Variants in TESPA1 observed in about 807,000 individuals in gnomAD.
TESPA1 encodes thymocyte expressed, positive selection associated 1, also known as protein TESPA1.
A neutral mutation model predicts 57.9 loss-of-function variants in TESPA1; 33 were observed. That is an observed-to-expected ratio of 0.57 (90% CI 0.43 to 0.76). TESPA1 has a LOEUF of 0.76. TESPA1 is among the 30% of genes least tolerant of loss of function. The probability of loss-of-function intolerance (pLI) is 0.00; values close to 1 mark genes in which losing one functional copy is unlikely to be tolerated. For missense variants in TESPA1, 618 were observed against 632.9 expected (o/e 0.98, Z 0.25); for synonymous variants, 227 against 228.9 (o/e 0.99, Z 0.07).
At chr12:54,963,413 T>A (rs1389257291) in intron 8 of TESPA1, among the ~76,000 whole-genome samples, 171 bp from the exon 9 acceptor site, 4 of 152,174 alleles carry the variant, frequency 2.6e-5, no homozygotes, top group Admixed American at 6.5e-5. Flanking sequence ...ATTTCGTAAC[T>A]TCTTGACACC....
intron 1 of TESPA1, among the ~76,000 whole-genome samples, chr12:54,980,552 G>C (rs944931646): frequency 6.6e-6 from 1 of 152,242 alleles, no homozygotes; most frequent in African/African-American, 2.4e-5. Context: ...GTACATGGCT[G>C]ATGTGGCCTT....
intron 7 of TESPA1, among the ~76,000 whole-genome samples, chr12:54,964,799 C>T (rs1248959972): frequency 2.0e-5 from 3 of 152,170 alleles, no homozygotes; most frequent in Admixed American, 6.5e-5. Flanking sequence ...CCTAAGTTTC[C>T]CTATCTGTGA....
chr12:54,955,197 T>C (rs1209397632), intron 10 of TESPA1, among the ~76,000 whole-genome samples: 2 of 152,240 alleles, frequency 1.3e-5, no homozygotes, highest in African/African-American at 2.4e-5. Context: ...TGAGAATCTT[T>C]TGATATACCT....
At chr12:54,961,801 G>C (rs981006247) in intron 9 of TESPA1, among the ~76,000 whole-genome samples, 2 of 152,210 alleles carry the variant, frequency 1.3e-5, no homozygotes, top group African/African-American at 4.8e-5. Flanking sequence ...CTCCAGTAGT[G>C]TATGCAGCCT....
chr12:54,952,223 C>T (rs1565815789), intron 10 of TESPA1, among the ~76,000 whole-genome samples: 2 of 152,194 alleles, frequency 1.3e-5, no homozygotes, highest in Non-Finnish European at 2.9e-5. Context: ...AAAGGAGGCC[C>T]TCACCGGATG....
chr12:54,965,987 T>C (rs749471296), intron 7 of TESPA1, 66 bp downstream of exon 7: 149 of 1,474,598 alleles, frequency 1.0e-4, no homozygotes, highest in Non-Finnish European at 1.3e-4. Context: ...GCAATGGCTC[T>C]TGGTTCCATT....
rs1053510067 is a variant in TESPA1, at chr12:54,963,137, A to G, written c.761T>C (p.Met254Thr). 1.2e-6 allele frequency: 2 copies of G among 1,613,858 alleles called. No individual in the cohort carries two copies. Among genetic ancestry groups the G allele is most frequent in the East Asian group, 4.5e-5 (2 of 44,854 alleles). The change falls in exon 9 of 11, where the codon ATG (methionine) becomes ACG (threonine). Residue 254 changes from methionine (M) to threonine (T), a missense_variant. Met to Thr is a moderately conservative substitution (Grantham distance 81, BLOSUM62 -1). Coordinates refer to ENST00000449076, the MANE Select transcript of TESPA1 (RefSeq NM_001136030.3). ...TPVQKFTPSH[M>T]FWNCNHPTDV... ...AGTTGGATGGTTGCAATTCCAGAAC[A>G]TGTGGGATGGTGTGAACTTTTGGAC...
At chr12:54,967,107 A>C in intron 5 of TESPA1, 76 bp downstream of exon 5, 2 of 1,539,956 alleles carry the variant, frequency 1.3e-6, no homozygotes, top group Admixed American at 1.8e-5. Context: ...GAAGTTTTGC[A>C]CTTCCATCCT....
chr12:54,967,425 T>A (rs1454659067), intron 4 of TESPA1, among the ~76,000 whole-genome samples, 189 bp from the exon 5 acceptor site: 1 of 151,172 alleles, frequency 6.6e-6, no homozygotes, highest in Non-Finnish European at 1.5e-5. Flanking sequence ...AGAAGTCATA[T>A]TCATTTTTGA....
At chr12:54,968,499 A>G (rs1951593965) in intron 3 of TESPA1, among the ~76,000 whole-genome samples, 1 of 152,228 alleles carries the variant, frequency 6.6e-6, no homozygotes, top group Admixed American at 6.5e-5. Flanking sequence ...GGTGAGAGAC[A>G]GCTCAGTTTT....
intron 1 of TESPA1, among the ~76,000 whole-genome samples, chr12:54,978,972 C>T (rs1952222095): frequency 6.6e-6 from 1 of 152,314 alleles, no homozygotes; most frequent in South Asian, 2.1e-4. Context: ...AAGTGCTGTA[C>T]CTGCAGAGGA....
At chr12:54,968,096 T>C (rs933527273) in intron 3 of TESPA1, 7 of 1,304,844 alleles carry the variant, frequency 5.4e-6, no homozygotes, top group African/African-American at 1.5e-5. Flanking sequence ...GGGGCTGGAA[T>C]GCACTATATT....
chr12:54,960,459 G>T lies in TESPA1; in HGVS notation c.*1+709C>A, dbSNP rs11832473. On this transcript the variant is annotated intron_variant, in intron 10 of 10. Transcript: ENST00000449076. ...GACCACAGTTGCAGAAGGGAGCTCA[G>T]ACCCTAAATGAGCATAGCTGTGAGG... 1.5e-3 allele frequency among the ~76,000 whole-genome samples: 232 copies of T among 152,300 alleles called. 2 individuals carry two copies. Among genetic ancestry groups the T allele is most frequent in the African/African-American group, 5.3e-3 (222 of 41,556 alleles).
intron 1 of TESPA1, among the ~76,000 whole-genome samples, chr12:54,975,323 A>G (rs1465879628): frequency 6.6e-6 from 1 of 152,176 alleles, no homozygotes; most frequent in East Asian, 1.9e-4. Context: ...CTACCTAACT[A>G]TGAATTTATT....
chr12:54,955,783 T>A (rs1333026258), intron 10 of TESPA1, among the ~76,000 whole-genome samples: 1 of 152,176 alleles, frequency 6.6e-6, no homozygotes, highest in Non-Finnish European at 1.5e-5. Flanking sequence ...TGGGAGGAGA[T>A]TTTGTTTTTA....
chr12:54,963,717 G>A, intron 8 of TESPA1, 25 bp downstream of exon 8: 6 of 1,598,892 alleles, frequency 3.8e-6, no homozygotes, highest in Non-Finnish European at 5.1e-6. Context: ...GGGAAGTAGA[G>A]CAGGTGCCTG....
In TESPA1 at chr12:54,949,041, C is replaced by T. The variant is rs573180239; in HGVS notation, c.*1351G>A. ...AATGTTAACATCAAGGAAGATAGTT[C>T]CCCTGTCTCCTGGTTTCTGTGGGTG... On this transcript the variant is annotated 3_prime_UTR_variant, in exon 11 of 11. Transcript: ENST00000449076. The T allele has an allele frequency of 6.6e-6, 1 of 152,202 alleles. No individual in the cohort carries two copies. Among genetic ancestry groups the T allele is most frequent in the Non-Finnish European group, 1.5e-5 (1 of 68,026 alleles). 9.4% of individuals were successfully genotyped at this position (152,202 alleles called of 1,614,324 possible).
chr12:54,955,637 G>A (rs1239748226), intron 10 of TESPA1, among the ~76,000 whole-genome samples: 3 of 152,326 alleles, frequency 2.0e-5, no homozygotes, highest in Admixed American at 2.0e-4. Flanking sequence ...GCCTGGCTAT[G>A]TACAAGGGTA....
chr12:54,967,216 T>C lies in TESPA1; in HGVS notation c.277A>G (p.Ser93Gly). 6.2e-7 allele frequency: 1 copy of C among 1,613,096 alleles called. No homozygotes were observed. The highest frequency in any genetic ancestry group is 1.1e-5 in the South Asian group (1 of 90,888). Residue 93 changes from serine (S) to glycine (G), a missense_variant, in exon 5 of 11, where the codon AGC (serine) becomes GGC (glycine). Transcript: ENST00000449076. ...CCCAGGGTCAAGTCATCTTCAAAGC[T>C]GGTCCCATGGCTGCAGAAGCCTGTC... ...IYNGFCSHGTSFEDDLTLGAE... is the reference protein window; with the variant it reads ...IYNGFCSHGTGFEDDLTLGAE...
Sources: allele counts gnomAD v4.1 joint callset (sites outside exome capture counted in the v4.1 genomes callset), GRCh38; gene constraint gnomAD v4.1.1; transcripts MANE v1.5; gene names NCBI Gene and HGNC (gene_info 2026-07-23, HGNC 2026-07-21).